GINM1: variants seen among roughly 807,000 people sequenced by gnomAD.
GINM1 encodes glycoprotein integral membrane protein 1.
In GINM1, 29 loss-of-function variants were observed where a neutral mutation model predicts 37.8. The observed-to-expected ratio is 0.77, with a 90% CI of 0.57 to 1.05. The LOEUF is 1.05. Among genes scored for constraint, GINM1 ranks in the 50% least tolerant of loss-of-function variants. The pLI, the probability that GINM1 is intolerant of heterozygous loss-of-function variation, is 0.00. For synonymous variants in GINM1, 143 were observed against 146.2 expected (o/e 0.98, Z 0.16); for missense variants, 377 against 397.9 (o/e 0.95, Z 0.45).
chr6:149,588,444 A>T (rs897084511), intron 7 of GINM1, among the ~76,000 whole-genome samples: 3 of 152,176 alleles, frequency 2.0e-5, no homozygotes, highest in African/African-American at 7.2e-5. Context: ...CACATTGCAG[A>T]TTTTTTTACT....
In GINM1 at chr6:149,566,482, G is replaced by A. The variant is rs1293113391; in HGVS notation, c.68G>A (p.Gly23Asp). Reference sequence around the variant, plus strand: ...CTGTTCGTGGCGCTACCCGCCTCCGGCTGGCTGACGACGGGCGCCCCCGAG... The same window carrying A: ...CTGTTCGTGGCGCTACCCGCCTCCGACTGGCTGACGACGGGCGCCCCCGAG... ...LLLFVALPAS[G>D]WLTTGAPEPP... The change falls in exon 1 of 8, where the codon GGC (glycine) becomes GAC (aspartate). Residue 23 changes from glycine to aspartate, a missense_variant. Gly to Asp is a moderately conservative substitution (Grantham distance 94). Coordinates refer to ENST00000367419, the MANE Select transcript of GINM1 (RefSeq NM_138785.5). The surrounding 1 kb of genome is among the most constrained non-coding windows in gnomAD (Gnocchi z 4.4). 39 of 1,553,516 alleles carry A rather than the reference G, an allele frequency of 2.5e-5. No individual in the cohort carries two copies. Among genetic ancestry groups the A allele is most frequent in the Non-Finnish European group, 3.2e-5 (37 of 1,160,870 alleles).
chr6:149,590,481 T>C (rs1195439289), intron 7 of GINM1, among the ~76,000 whole-genome samples: 5 of 152,174 alleles, frequency 3.3e-5, no homozygotes, highest in Admixed American at 2.0e-4. Context: ...AGATCTATAC[T>C]TACCCTATTC....
chr6:149,588,903 A>G (rs1253968069), intron 7 of GINM1, among the ~76,000 whole-genome samples: 1 of 152,020 alleles, frequency 6.6e-6, no homozygotes, highest in African/African-American at 2.4e-5. Flanking sequence ...TCCTGGTTTC[A>G]AGCAATTCTC....
At chr6:149,587,797 C>T (rs1302854382) in intron 7 of GINM1, among the ~76,000 whole-genome samples, 3 of 152,280 alleles carry the variant, frequency 2.0e-5, no homozygotes, top group African/African-American at 4.8e-5. Flanking sequence ...TTCAGTACCC[C>T]GTTCCCTTCC....
At chr6:149,583,791 G>T (rs1778034434) in intron 7 of GINM1, among the ~76,000 whole-genome samples, 1 of 152,106 alleles carries the variant, frequency 6.6e-6, no homozygotes, top group African/African-American at 2.4e-5. Flanking sequence ...AGTATTATGT[G>T]TATATAAATG....
intron 1 of GINM1, among the ~76,000 whole-genome samples, 180 bp from the exon 2 acceptor site, chr6:149,572,101 ATAAT>A (rs1226218391): frequency 2.0e-5 from 3 of 151,900 alleles, no homozygotes; most frequent in African/African-American, 7.3e-5. Flanking sequence ...AAATAAATAA[ATAAT>A]TGGAATTGTA....
chr6:149,578,092 G>C (rs1464619338), intron 3 of GINM1: 1 of 152,164 alleles, frequency 6.6e-6, no homozygotes, highest in Non-Finnish European at 1.5e-5. Flanking sequence ...CTTACTGCTT[G>C]GGCATCTTCT....
At chr6:149,567,882 A>G (rs1777746885) in intron 1 of GINM1, among the ~76,000 whole-genome samples, 1 of 152,362 alleles carries the variant, frequency 6.6e-6, no homozygotes, top group African/African-American at 2.4e-5. Context: ...AGTTCTAAAA[A>G]GTTCTGGAAA....
In GINM1 at chr6:149,590,915, TC is replaced by T; in HGVS notation, c.*78del. 1 of 684,702 alleles carries T rather than the reference TC, an allele frequency of 1.5e-6. No homozygotes were observed. 42.4% of individuals were successfully genotyped at this position (684,702 alleles called of 1,614,324 possible). ...CCACTTGAATATAATTTTCTTTAAA[TC>T]GTTAAGAATCAGTTTATACACTAGA... On this transcript the variant is annotated 3_prime_UTR_variant, in exon 8 of 8. Coordinates refer to ENST00000367419, the MANE Select transcript of GINM1 (RefSeq NM_138785.5).
intron 1 of GINM1, among the ~76,000 whole-genome samples, chr6:149,570,143 TATATATA>T (rs1777790789): frequency 1.2e-4 from 1 of 8,424 alleles, no homozygotes; most frequent in African/African-American, 1.7e-4. Flanking sequence ...GTTTTATATA[TATATATA>T]TATATATATA....
chr6:149,584,124 C>T (rs1007049213), intron 7 of GINM1, among the ~76,000 whole-genome samples: 1 of 151,932 alleles, frequency 6.6e-6, no homozygotes, highest in Non-Finnish European at 1.5e-5. Flanking sequence ...TACAGGCATG[C>T]GCCACCTTGC....
At chr6:149,586,896 C>T (rs756291888) in intron 7 of GINM1, among the ~76,000 whole-genome samples, 1 of 151,884 alleles carries the variant, frequency 6.6e-6, no homozygotes. Context: ...GTGATCCTCT[C>T]ACCTCAGCCT....
intron 1 of GINM1, among the ~76,000 whole-genome samples, chr6:149,567,408 C>G (rs1224823377): frequency 1.3e-5 from 2 of 152,094 alleles, no homozygotes; most frequent in Non-Finnish European, 2.9e-5. Flanking sequence ...TGAATATGAA[C>G]ACTCTAAATA....
chr6:149,571,136 A>G (rs1777814949), intron 1 of GINM1, among the ~76,000 whole-genome samples: 1 of 152,068 alleles, frequency 6.6e-6, no homozygotes, highest in Non-Finnish European at 1.5e-5. Flanking sequence ...CAACGTGGTG[A>G]AACCCCCGTC....
Position 149,578,806 on chromosome 6 carries a change from ACT to A in GINM1, c.278-15_278-14del. The A allele has an allele frequency of 2.0e-6, 3 of 1,493,060 alleles. No individual in the cohort carries two copies. Among genetic ancestry groups the A allele is most frequent in the Non-Finnish European group, 2.8e-6 (3 of 1,085,254 alleles). The allele number at this position is 1,493,060 out of a possible 1,614,324, so 92.5% of individuals were successfully genotyped here. On this transcript the variant is annotated splice_polypyrimidine_tract_variant and intron_variant, in intron 3 of 7. Coordinates refer to ENST00000367419, the MANE Select transcript of GINM1 (RefSeq NM_138785.5). ...GTAATCTTTGTTCAAAGGTGTCACT[ACT>A]TTTTTTTTTATAGTGAAGAATGAAA... is the stretch of plus-strand genomic sequence containing the variant.
intron 3 of GINM1, chr6:149,576,120 T>G (rs191275567): frequency 7.9e-5 from 12 of 152,216 alleles, no homozygotes; most frequent in Admixed American, 7.9e-4. Flanking sequence ...CTTAGCAGGG[T>G]CCTGTGGTTC....
chr6:149,581,459 G>T (rs1356260521), intron 6 of GINM1, among the ~76,000 whole-genome samples: 1 of 152,066 alleles, frequency 6.6e-6, no homozygotes, highest in South Asian at 2.1e-4. Context: ...ATCCCCGGCC[G>T]ATAATTACTC....
intron 1 of GINM1, among the ~76,000 whole-genome samples, chr6:149,569,754 C>T (rs567117604): frequency 1.3e-5 from 2 of 152,120 alleles, no homozygotes; most frequent in Non-Finnish European, 1.5e-5. Flanking sequence ...TTCGCTCAGA[C>T]GTATTTTAAA....
chr6:149,574,567 C>T (rs1777885965), intron 3 of GINM1, among the ~76,000 whole-genome samples: 1 of 151,982 alleles, frequency 6.6e-6, no homozygotes, highest in Non-Finnish European at 1.5e-5. Context: ...TTTTACTATT[C>T]TTTTAGTGGT....
Sources: allele counts gnomAD v4.1 joint callset (sites outside exome capture counted in the v4.1 genomes callset), GRCh38; gene constraint gnomAD v4.1.1; non-coding constraint Gnocchi (gnomAD v3.1); transcripts MANE v1.5; gene names NCBI Gene and HGNC (gene_info 2026-07-23, HGNC 2026-07-21).